NDP: variants seen among roughly 807,000 people sequenced by gnomAD.
NDP encodes norrin.
NDP carries 2 observed loss-of-function variants against 8.4 expected under a neutral mutation model. The ratio of observed to expected loss-of-function variants is 0.24; its 90% CI spans 0.10 to 0.75. NDP has a LOEUF of 0.75. Ranked by LOEUF, NDP falls within the 30% of genes least tolerant of loss-of-function variation. The probability of loss-of-function intolerance (pLI) is 0.73; values close to 1 mark genes in which losing one functional copy is unlikely to be tolerated. For missense variants in NDP, 81 were observed against 110.1 expected (o/e 0.74, Z 1.18); for synonymous variants, 55 against 45.6 (o/e 1.21, Z -0.83).
Position 43,949,364 on chromosome X carries a change from TA to T in NDP, c.*434del, listed in dbSNP as rs200362031. ...GCAACCTTAGACCAAAATGACAAGGTAAAAAAAAACATCAACAATAACAGAA... is the reference window on the plus strand; with the variant it reads ...GCAACCTTAGACCAAAATGACAAGGTAAAAAAAACATCAACAATAACAGAA... On this transcript the variant is annotated 3_prime_UTR_variant, in exon 3 of 3. Coordinates refer to ENST00000642620, the MANE Select transcript of NDP (RefSeq NM_000266.4). 7 of 157,817 alleles carry T rather than the reference TA, an allele frequency of 4.4e-5. No homozygotes were observed. Among genetic ancestry groups the T allele is most frequent in the African/African-American group, 9.5e-5 (3 of 31,675 alleles). 13.0% of individuals were successfully genotyped at this position (157,817 alleles called of 1,213,427 possible). A position where few individuals can be genotyped will look rare whatever the true frequency, so the allele number is the denominator to read the frequency against.
chrX:43,964,287 G>C (rs1268186502), intron 1 of NDP, among the ~76,000 whole-genome samples: 1 of 111,534 alleles, frequency 9.0e-6, no homozygotes, highest in East Asian at 2.8e-4. Flanking sequence ...AAAAAGGATG[G>C]AGGAATATGG....
At chrX:43,953,684 C>T (rs1602065058) in intron 2 of NDP, among the ~76,000 whole-genome samples, 1 of 113,430 alleles carries the variant, frequency 8.8e-6, no homozygotes, top group African/African-American at 3.2e-5. Flanking sequence ...GATAAGGAAA[C>T]TCAAGCTTTA....
At chrX:43,951,665 T>G (rs763537601) in intron 2 of NDP, among the ~76,000 whole-genome samples, 8 of 111,829 alleles carry the variant, frequency 7.2e-5, no homozygotes, top group Admixed American at 2.8e-4. Flanking sequence ...AGCCAGTCCA[T>G]CTTTCCAAAA....
chrX:43,963,197 C>T (rs762033776), intron 1 of NDP, among the ~76,000 whole-genome samples: 1 of 112,026 alleles, frequency 8.9e-6, no homozygotes, highest in East Asian at 2.8e-4. Context: ...TATTTTTTAA[C>T]ATGTATTTAT....
chrX:43,972,364 C>G (rs929107570), intron 1 of NDP, among the ~76,000 whole-genome samples: 2 of 110,920 alleles, frequency 1.8e-5, no homozygotes, highest in Non-Finnish European at 3.8e-5. Flanking sequence ...TCAAACTTCC[C>G]GTCCCCCAAG....
chrX:43,956,389 T>G (rs1427596207), intron 2 of NDP, among the ~76,000 whole-genome samples: 1 of 111,944 alleles, frequency 8.9e-6, no homozygotes, highest in Admixed American at 9.5e-5. Context: ...TCTATCCCAG[T>G]CTTTTCTTTG....
chrX:43,964,729 T>G (rs1210088983), intron 1 of NDP, among the ~76,000 whole-genome samples: 2 of 112,127 alleles, frequency 1.8e-5, no homozygotes, highest in Non-Finnish European at 3.8e-5. Context: ...CCTCCCATCA[T>G]TGGCTGTGTG....
chrX:43,955,133 C>A (rs1000976020), intron 2 of NDP, among the ~76,000 whole-genome samples: 1 of 112,172 alleles, frequency 8.9e-6, no homozygotes, highest in African/African-American at 3.2e-5. Context: ...CCACCCTGTG[C>A]TTAACAAGAA....
At chrX:43,961,694 T>C (rs982125108) in intron 1 of NDP, among the ~76,000 whole-genome samples, 1 of 112,050 alleles carries the variant, frequency 8.9e-6, no homozygotes, top group Admixed American at 9.5e-5. Context: ...TAAGGCTTTC[T>C]CTTTTAAAAG....
chrX:43,951,137 G>A (rs1025787979), intron 2 of NDP, among the ~76,000 whole-genome samples: 1 of 111,102 alleles, frequency 9.0e-6, no homozygotes, highest in Non-Finnish European at 1.9e-5. Context: ...CCCTGGGCCA[G>A]GTGTATTGTC....
chrX:43,966,835 C>T (rs1307604649), intron 1 of NDP, among the ~76,000 whole-genome samples: 3 of 111,429 alleles, frequency 2.7e-5, no homozygotes, highest in African/African-American at 9.8e-5. Flanking sequence ...TCACCCGCAA[C>T]AACACTTTGG....
intron 1 of NDP, among the ~76,000 whole-genome samples, chrX:43,961,511 A>G (rs929863678): frequency 1.8e-5 from 2 of 112,345 alleles, no homozygotes; most frequent in Admixed American, 9.4e-5. Context: ...AGAGATAAAA[A>G]CACATATTTG....
intron 2 of NDP, among the ~76,000 whole-genome samples, chrX:43,950,671 G>A (rs767784037): frequency 1.8e-5 from 2 of 111,146 alleles, no homozygotes; most frequent in South Asian, 7.6e-4. Flanking sequence ...AGGAGCCTGG[G>A]ATTTATGTAA....
intron 2 of NDP, among the ~76,000 whole-genome samples, chrX:43,956,238 T>C (rs1363679357): frequency 8.9e-6 from 1 of 112,041 alleles, no homozygotes; most frequent in Non-Finnish European, 1.9e-5. Context: ...ATTCTCCCTT[T>C]CTTGCCTTTA....
intron 1 of NDP, among the ~76,000 whole-genome samples, chrX:43,963,906 G>GA (rs2035841715): frequency 8.9e-6 from 1 of 112,870 alleles, no homozygotes. Context: ...AGCCAAGCCT[G>GA]GGCTGACCCA....
chrX:43,962,137 G>A (rs1439152048), intron 1 of NDP, among the ~76,000 whole-genome samples: 2 of 111,553 alleles, frequency 1.8e-5, no homozygotes, highest in Non-Finnish European at 3.8e-5. Flanking sequence ...CTCAGAAAAC[G>A]TGAGAGTTGT....
chrX:43,958,142 T>C (rs1010004418), intron 2 of NDP, among the ~76,000 whole-genome samples: 1 of 111,447 alleles, frequency 9.0e-6, no homozygotes, highest in Non-Finnish European at 1.9e-5. Flanking sequence ...TTCCTCTTTA[T>C]TGATGATGGA....
At chrX:43,950,953 G>A (rs2035758031) in intron 2 of NDP, among the ~76,000 whole-genome samples, 1 of 111,425 alleles carries the variant, frequency 9.0e-6, no homozygotes, top group African/African-American at 3.3e-5. Context: ...AAAACTCCTG[G>A]TATCCTGGGA....
chrX:43,959,614 C>T (rs763684211), intron 1 of NDP, among the ~76,000 whole-genome samples: 64 of 111,366 alleles, frequency 5.7e-4, no homozygotes, highest in African/African-American at 1.5e-3. Flanking sequence ...CATATTATAC[C>T]GGTTTTTCTG....
Sources: gnomAD v4.1 joint callset for allele counts (sites outside exome capture counted in the v4.1 genomes callset) on GRCh38, gnomAD v4.1.1 for gene constraint, MANE v1.5 for transcripts, NCBI Gene and HGNC (gene_info 2026-07-23, HGNC 2026-07-21) for gene names.